FSTL1: variants seen among roughly 807,000 people sequenced by gnomAD.
The protein encoded by FSTL1 is follistatin-related protein 1.
In FSTL1, 24 loss-of-function variants were observed where a neutral mutation model predicts 45.9. The observed-to-expected ratio is 0.52, with a 90% CI of 0.38 to 0.74. The LOEUF is 0.74. Among genes scored for constraint, FSTL1 ranks in the 30% least tolerant of loss-of-function variants. The pLI is 0.00. For missense variants in FSTL1, 340 were observed against 381.8 expected (o/e 0.89, Z 0.91); for synonymous variants, 120 against 137.6 (o/e 0.87, Z 0.89).
chr3:120,427,159 G>C (rs1937396953), intron 2 of FSTL1, among the ~76,000 whole-genome samples: 1 of 152,128 alleles, frequency 6.6e-6, no homozygotes, highest in Non-Finnish European at 1.5e-5. Flanking sequence ...TTGTTGTCTG[G>C]CTTGCCCAAA....
chr3:120,407,037 T>G (rs1275437050), intron 6 of FSTL1, among the ~76,000 whole-genome samples: 2 of 152,240 alleles, frequency 1.3e-5, no homozygotes, highest in East Asian at 1.9e-4. Context: ...TGACTGTGTT[T>G]TGAATGCTAC....
At chr3:120,402,730 C>G in intron 9 of FSTL1, 78 bp downstream of exon 9, 1 of 925,258 alleles carries the variant, frequency 1.1e-6, no homozygotes, top group East Asian at 2.4e-5. Flanking sequence ...TCCATCATCC[C>G]CACCCCAACT....
chr3:120,399,541 T>C (rs1936775303), intron 10 of FSTL1, among the ~76,000 whole-genome samples: 1 of 152,160 alleles, frequency 6.6e-6, no homozygotes, highest in African/African-American at 2.4e-5. Context: ...AGTCTTTGGG[T>C]CTGGACACTG....
At chr3:120,425,715 G>A (rs117756142) in intron 2 of FSTL1, among the ~76,000 whole-genome samples, 1 of 152,166 alleles carries the variant, frequency 6.6e-6, no homozygotes, top group Non-Finnish European at 1.5e-5. Flanking sequence ...CCAAACTAAA[G>A]AAAGTGGTTA....
At chr3:120,420,345 G>A (rs1416055317) in intron 2 of FSTL1, among the ~76,000 whole-genome samples, 1 of 152,194 alleles carries the variant, frequency 6.6e-6, no homozygotes, top group African/African-American at 2.4e-5. Flanking sequence ...GTACCTGTGA[G>A]AATGTAATTG....
intron 2 of FSTL1, among the ~76,000 whole-genome samples, chr3:120,435,205 C>T (rs143065973): frequency 0.014 from 2,121 of 152,222 alleles, 36 homozygotes; most frequent in South Asian, 0.066. Context: ...GGCGACAGAG[C>T]GAGACTCTGT....
rs148687000 is a variant in FSTL1, at chr3:120,415,976, C to T, written c.115G>A (p.Gly39Ser). 2.0e-5 allele frequency: 33 copies of T among 1,613,866 alleles called. No homozygotes were observed. Among genetic ancestry groups the T allele is most frequent in the Non-Finnish European group, 2.6e-5 (31 of 1,179,890 alleles). Residue 39 changes from glycine (G) to serine (S), a missense_variant, in exon 3 of 11, where the codon GGC becomes AGC. Coordinates refer to ENST00000295633, the MANE Select transcript of FSTL1 (RefSeq NM_007085.5). ...TTCTCTGTGACTGCACATTCCCGGC[C>T]GGCTCCACAAAACACATTGGCACAG... is the stretch of plus-strand genomic sequence containing the variant. ...KICANVFCGA[G>S]RECAVTEKGE...
chr3:120,448,033 C>A (rs1039875746), intron 2 of FSTL1, among the ~76,000 whole-genome samples: 6 of 152,206 alleles, frequency 3.9e-5, no homozygotes, highest in African/African-American at 9.7e-5. Context: ...ATGACAATCA[C>A]CTTTTCCCAA....
At chr3:120,442,352 A>C (rs1937640405) in intron 2 of FSTL1, among the ~76,000 whole-genome samples, 1 of 151,670 alleles carries the variant, frequency 6.6e-6, no homozygotes, top group South Asian at 2.1e-4. Flanking sequence ...AACTGAAGAT[A>C]CAAGTTAGAG....
intron 2 of FSTL1, among the ~76,000 whole-genome samples, chr3:120,447,873 A>G (rs991265694): frequency 1.3e-5 from 2 of 152,166 alleles, no homozygotes; most frequent in African/African-American, 4.8e-5. Context: ...CTGGTCTCAA[A>G]TTCCTGGGCT....
chr3:120,424,963 G>A (rs1255459103), intron 2 of FSTL1, among the ~76,000 whole-genome samples: 1 of 152,136 alleles, frequency 6.6e-6, no homozygotes, highest in South Asian at 2.1e-4. Flanking sequence ...GAGAAATTGA[G>A]GCAGAGGAAC....
chr3:120,411,225 C>T lies in FSTL1; in HGVS notation c.299-241G>A, dbSNP rs1937044276. The T allele has an allele frequency of 1.2e-5, 5 of 417,798 alleles. No homozygotes were observed. The South Asian group carries it at 1.4e-4, about 11-fold the overall frequency. The allele number at this position is 417,798 out of a possible 1,614,324, so 25.9% of individuals were successfully genotyped here. A position where few individuals can be genotyped will look rare whatever the true frequency, so the allele number is the denominator to read the frequency against. On this transcript the variant is annotated intron_variant, in intron 4 of 10. Transcript: ENST00000295633. ...TACCCTTCTGGCCTCATACCTCCTCCTGTTGCATTGAGGGGTCACTGGGAT... is the reference window on the plus strand; with the variant it reads ...TACCCTTCTGGCCTCATACCTCCTCTTGTTGCATTGAGGGGTCACTGGGAT...
intron 2 of FSTL1, among the ~76,000 whole-genome samples, chr3:120,433,229 G>T (rs1403965880): frequency 2.0e-5 from 3 of 152,190 alleles, no homozygotes; most frequent in African/African-American, 7.2e-5. Context: ...TATTCAGCTA[G>T]CCTCTGCTTA....
intron 2 of FSTL1, among the ~76,000 whole-genome samples, chr3:120,429,416 G>A (rs1279201749): frequency 1.3e-5 from 2 of 152,220 alleles, no homozygotes; most frequent in African/African-American, 4.8e-5. Flanking sequence ...GAGAGTTAAA[G>A]GAAACCTTTT....
chr3:120,429,184 TTCAAATGCACA>T (rs986385436), intron 2 of FSTL1, among the ~76,000 whole-genome samples: 17 of 152,262 alleles, frequency 1.1e-4, no homozygotes, highest in African/African-American at 3.4e-4. Flanking sequence ...CTGGAGCAAT[TTCAAATGCACA>T]TCAAGGGCTC....
chr3:120,448,456 AT>A (rs1271920364), intron 2 of FSTL1, among the ~76,000 whole-genome samples: 1 of 152,240 alleles, frequency 6.6e-6, no homozygotes, highest in African/African-American at 2.4e-5. Context: ...AAGGTATATT[AT>A]TATTAAATGG....
intron 2 of FSTL1, among the ~76,000 whole-genome samples, chr3:120,419,843 G>C (rs1356620746): frequency 6.6e-6 from 1 of 152,204 alleles, no homozygotes; most frequent in African/African-American, 2.4e-5. Flanking sequence ...AAGGGCCTAG[G>C]ACCCAGGGCC....
intron 3 of FSTL1, 195 bp downstream of exon 3, chr3:120,415,728 A>G (rs575030093): frequency 2.8e-5 from 14 of 502,302 alleles, no homozygotes; most frequent in African/African-American, 9.5e-5. Context: ...TTATAAAGCT[A>G]AATTTTTTTA....
intron 2 of FSTL1, among the ~76,000 whole-genome samples, chr3:120,442,595 C>T (rs1559745344): frequency 6.6e-6 from 1 of 151,852 alleles, no homozygotes; most frequent in Non-Finnish European, 1.5e-5. Context: ...GCCTGGCCAA[C>T]TAGGTGAAAC....
Sources: gnomAD v4.1 joint callset for allele counts (sites outside exome capture counted in the v4.1 genomes callset) on GRCh38, gnomAD v4.1.1 for gene constraint, MANE v1.5 for transcripts, NCBI Gene and HGNC (gene_info 2026-07-23, HGNC 2026-07-21) for gene names.